The following SCN1A variants were observed in gnomAD, a reference collection of about 807,000 sequenced individuals.
SCN1A encodes sodium channel protein type 1 subunit alpha.
SCN1A carries 13 observed loss-of-function variants against 193.7 expected under a neutral mutation model. The ratio of observed to expected loss-of-function variants is 0.07; its 90% confidence interval spans 0.04 to 0.11. The LOEUF is 0.11. SCN1A is among the 10% of genes least tolerant of loss of function. SCN1A has a pLI of 1.00. For synonymous variants in SCN1A, 781 were observed against 843.6 expected (o/e 0.93, Z 1.29); for missense variants, 1,432 against 2,451.1 (o/e 0.58, Z 8.78).
At chr2:166,122,631 AT>A (rs1021837743) in intron 2 of SCN1A, among the ~76,000 whole-genome samples, 3 of 152,182 alleles carry the variant, frequency 2.0e-5, no homozygotes, top group African/African-American at 7.2e-5. Context: ...CGGGGAAAGA[AT>A]TGTCTTTTCA....
chr2:166,010,355 G>C (rs1347440123), intron 22 of SCN1A, among the ~76,000 whole-genome samples: 1 of 151,000 alleles, frequency 6.6e-6, no homozygotes, highest in African/African-American at 2.4e-5. Flanking sequence ...ATTTTGTCTT[G>C]GTAATACCTT....
At chr2:166,035,177 C>T (rs1487858973) in intron 19 of SCN1A, among the ~76,000 whole-genome samples, 1 of 152,166 alleles carries the variant, frequency 6.6e-6, no homozygotes, top group African/African-American at 2.4e-5. Flanking sequence ...AAGTTCAACT[C>T]TCGGCACTCC....
upstream of SCN1A, among the ~76,000 whole-genome samples, chr2:166,131,776 GGAGTTCT>G: frequency 6.6e-6 from 1 of 152,222 alleles, no homozygotes; most frequent in South Asian, 2.1e-4. Context: ...CTGGAGTTGT[GGAGTTCT>G]GAAACTTTAA....
chr2:166,133,501 A>G (rs921820908), intron 1 of SCN1A, among the ~76,000 whole-genome samples: 1 of 152,228 alleles, frequency 6.6e-6, no homozygotes, highest in Non-Finnish European at 1.5e-5. Context: ...TAGGTTCAGA[A>G]TGAGTATTAA....
At chr2:165,993,809 C>T (rs1689625709) in intron 28 of SCN1A, 1 of 340,106 alleles carries the variant, frequency 2.9e-6, no homozygotes, top group East Asian at 4.8e-5. Flanking sequence ...GACTACATTT[C>T]TAGTCTTGTT....
chr2:166,052,653 C>G (rs1392469311), intron 8 of SCN1A, among the ~76,000 whole-genome samples, 199 bp downstream of exon 8: 1 of 151,568 alleles, frequency 6.6e-6, no homozygotes, highest in Non-Finnish European at 1.5e-5. Flanking sequence ...TGCAGGTCAC[C>G]TTGACCTCAA....
chr2:166,068,529 G>A (rs767008181), intron 4 of SCN1A, among the ~76,000 whole-genome samples: 6 of 152,110 alleles, frequency 3.9e-5, no homozygotes, highest in South Asian at 2.1e-4. Flanking sequence ...ATGACAATTC[G>A]TGAAATTATA....
At chr2:166,048,777 A>G (rs1037684284) in intron 10 of SCN1A, 109 bp downstream of exon 10, 1 of 747,868 alleles carries the variant, frequency 1.3e-6, no homozygotes, top group Non-Finnish European at 2.4e-6. Context: ...AATTAATGTC[A>G]ATAAAATTAG....
intron 9 of SCN1A, among the ~76,000 whole-genome samples, chr2:166,050,613 G>GTATATATATATATA (rs368513344): frequency 0.03 from 1,973 of 64,800 alleles, 76 homozygotes; most frequent in Admixed American, 0.073. Context: ...ATTAAAAAAA[G>GTATATATATATATA]TATATATATA....
rs12620030 is a variant in SCN1A at position 166,030,801 on chromosome 2, G to T, written c.3429+5247C>A. ...CAAAAAATTATTGGGCAACTGTTAT[G>T]CACCCAGCATTGTGGTAGGTGCTTC... On this transcript the variant is annotated intron_variant, in intron 19 of 28. Coordinates refer to ENST00000674923, the MANE Select transcript of SCN1A (RefSeq NM_001165963.4). Among the ~76,000 whole-genome samples the T allele has an allele frequency of 6.8e-3, 1,030 of 152,036 alleles. 10 individuals carry two copies. The highest frequency in any genetic ancestry group is 0.051 in the East Asian group (265 of 5,166).
At position 166,090,643 on chromosome 2, in the gene SCN1A, C is replaced by T. The variant is rs181522876; in HGVS notation, c.-141-12842G>A. Among the ~76,000 whole-genome samples, 6 of 152,204 alleles carry T rather than the reference C, an allele frequency of 3.9e-5. No homozygotes were observed. In the East Asian group the frequency reaches 1.2e-3, roughly 29 times the overall value. ...AGTCACTAGGTATGAGACATTTTCT[C>T]ATAAAATGTAACTACTATACATTCG... On this transcript the variant is annotated intron_variant, in intron 2 of 28. Transcript: ENST00000674923.
intron 1 of SCN1A, among the ~76,000 whole-genome samples, chr2:166,137,789 T>TA (rs1420149118): frequency 6.6e-6 from 1 of 152,110 alleles, no homozygotes; most frequent in Non-Finnish European, 1.5e-5. Flanking sequence ...TGGAACTGGG[T>TA]AACAGGCAGA....
chr2:166,003,001 G>A (rs577915971), intron 23 of SCN1A: 2 of 297,100 alleles, frequency 6.7e-6, no homozygotes, highest in Non-Finnish European at 1.2e-5. Flanking sequence ...AAAAAAGGGA[G>A]GGAGAAGCAT....
rs201776755 is a variant in SCN1A, at chr2:166,037,969, T to G, written c.2753A>C (p.Asp918Ala). ...GMQLFGKSYK[D>A]CVCKIASDCQ... Reference sequence around the variant, plus strand: ...ATCACTGGCGATCTTGCAGACACAATCTTTGTAGCTTTTACCAAAGAGCTG... The same window carrying G: ...ATCACTGGCGATCTTGCAGACACAAGCTTTGTAGCTTTTACCAAAGAGCTG... Residue 918 changes from aspartate (D) to alanine (A), a missense_variant, in exon 18 of 29, where the codon GAT (aspartate) becomes GCT (alanine). By Grantham distance (126) the Asp-to-Ala change is moderately radical. This residue lies in a region of SCN1A where 93 missense variants were observed against 260.4 expected (regional missense o/e 0.36). Transcript: ENST00000674923. 1 of 1,614,174 alleles carries G rather than the reference T, an allele frequency of 6.2e-7. No individual in the cohort carries two copies. The highest frequency in any genetic ancestry group is 2.2e-5 in the East Asian group (1 of 44,874).
chr2:166,084,550 A>T (rs1685893054), intron 2 of SCN1A, among the ~76,000 whole-genome samples: 1 of 152,066 alleles, frequency 6.6e-6, no homozygotes, highest in Non-Finnish European at 1.5e-5. Flanking sequence ...ATAATGGGAG[A>T]AAAAATCAGG....
chr2:166,044,952 A>G, intron 13 of SCN1A, 91 bp downstream of exon 13: 3 of 1,381,296 alleles, frequency 2.2e-6, no homozygotes, highest in Non-Finnish European at 3.1e-6. Flanking sequence ...GATTCAGTTG[A>G]TAAAAATTCC....
chr2:166,056,341 A>G (rs1169023799), intron 6 of SCN1A, 70 bp downstream of exon 6: 1 of 976,548 alleles, frequency 1.0e-6, no homozygotes, highest in African/African-American at 1.6e-5. Flanking sequence ...TTTTATTTTA[A>G]GACTACATTA....
Position 166,080,771 on chromosome 2 carries a change from C to T in SCN1A, c.-141-2970G>A, listed in dbSNP as rs80099121. On this transcript the variant is annotated intron_variant, in intron 2 of 28. Transcript: ENST00000674923. ...CAATAACATGACCAATATCAAATAACGTGGACAAAAGAATTATAAGGAAAA... is the reference window on the plus strand; with the variant it reads ...CAATAACATGACCAATATCAAATAATGTGGACAAAAGAATTATAAGGAAAA... Among the ~76,000 whole-genome samples the T allele has an allele frequency of 8.2e-3, 1,240 of 151,220 alleles. 14 individuals are homozygous for T. Among genetic ancestry groups the T allele is most frequent in the African/African-American group, 0.029 (1,184 of 41,304 alleles).
At chr2:166,084,926 A>G (rs1042169510) in intron 2 of SCN1A, among the ~76,000 whole-genome samples, 30 of 152,180 alleles carry the variant, frequency 2.0e-4, no homozygotes, top group African/African-American at 7.0e-4. Context: ...TGGGCCATAC[A>G]GTGGATGAAG....
Sources: allele counts gnomAD v4.1 joint callset (sites outside exome capture counted in the v4.1 genomes callset), GRCh38; gene constraint gnomAD v4.1.1; regional missense constraint gnomAD v4.1.1; transcripts MANE v1.5; gene names NCBI Gene and HGNC (gene_info 2026-07-23, HGNC 2026-07-21).